Variants in PHF2 observed in about 807,000 individuals in gnomAD.
PHF2 encodes the protein PHD finger protein 2.
PHF2 carries 27 observed loss-of-function variants against 120.5 expected under a neutral mutation model. The observed-to-expected ratio is 0.22, with a 90% CI of 0.17 to 0.31. The LOEUF (loss-of-function observed/expected upper bound fraction) is 0.31. PHF2 is among the 10% of genes least tolerant of loss of function. PHF2 has a pLI of 1.00. For missense variants in PHF2, 1,024 were observed against 1,434.8 expected, an observed-to-expected ratio of 0.71 and a Z score of 4.63; for synonymous variants, 568 against 592.5, an observed-to-expected ratio of 0.96 and a Z score of 0.60.
At chr9:93,645,286 G>A (rs1043286429) in intron 3 of PHF2, among the ~76,000 whole-genome samples, 1 of 152,242 alleles carries the variant, frequency 6.6e-6, no homozygotes, top group Non-Finnish European at 1.5e-5. Context: ...GGTCAGCCCG[G>A]GTGCCGGTGG....
intron 2 of PHF2, among the ~76,000 whole-genome samples, chr9:93,632,372 ATGTG>A (rs1298257180): frequency 6.6e-6 from 1 of 152,168 alleles, no homozygotes; most frequent in Non-Finnish European, 1.5e-5. Context: ...GTGCATGTGT[ATGTG>A]TGTGTGCATG....
intron 2 of PHF2, among the ~76,000 whole-genome samples, chr9:93,635,274 T>C (rs1302051377): frequency 6.6e-6 from 1 of 152,056 alleles, no homozygotes; most frequent in African/African-American, 2.4e-5. Context: ...AGACAGGCAT[T>C]GTCACTGGGT....
rs768589231 is a variant in PHF2 at position 93,665,848 on chromosome 9, G to A, written c.2100G>A (p.Pro700=). 8.1e-6 allele frequency: 13 copies of A among 1,595,986 alleles called. No individual in the cohort carries two copies. Among genetic ancestry groups the A allele is most frequent in the African/African-American group, 6.7e-5 (5 of 74,484 alleles). ...EFPIRRKKNA[P]KRDLSFLLDK... ...CCATCAGGAGGAAGAAAAACGCCCC[G>A]AAAAGGGACTTGTCCTGTGAGTTGG... The change falls in exon 15 of 22, where the codon CCG becomes CCA. Residue 700 remains proline (P), a synonymous_variant. Transcript: ENST00000359246.
intron 2 of PHF2, among the ~76,000 whole-genome samples, chr9:93,631,131 C>T (rs1825995211): frequency 6.6e-6 from 1 of 152,250 alleles, no homozygotes; most frequent in South Asian, 2.1e-4. Context: ...GGAAGGGGCT[C>T]CAGCACCCCT....
intron 1 of PHF2, among the ~76,000 whole-genome samples, chr9:93,577,979 G>A (rs1455866302): frequency 6.6e-6 from 1 of 152,178 alleles, no homozygotes; most frequent in African/African-American, 2.4e-5. Flanking sequence ...GCAAGCAGCC[G>A]GGGGAAAGAG....
chr9:93,648,162 A>G (rs1261702492), intron 4 of PHF2, among the ~76,000 whole-genome samples: 1 of 152,128 alleles, frequency 6.6e-6, no homozygotes, highest in Non-Finnish European at 1.5e-5. Context: ...GCCCCATTTC[A>G]TTCTATCCTG....
chr9:93,667,520 T>C (rs185104287), intron 17 of PHF2, among the ~76,000 whole-genome samples: 1 of 152,204 alleles, frequency 6.6e-6, no homozygotes, highest in South Asian at 2.1e-4. Flanking sequence ...TTTTTTCACG[T>C]GGAAATCTTT....
At chr9:93,670,890 C>T in intron 17 of PHF2, 1 of 622,826 alleles carries the variant, frequency 1.6e-6, no homozygotes, top group African/African-American at 2.0e-5. Flanking sequence ...AAGCTGAGGG[C>T]AGCGGGGGTG....
At chr9:93,603,049 G>A (rs1176397610) in intron 1 of PHF2, among the ~76,000 whole-genome samples, 1 of 152,176 alleles carries the variant, frequency 6.6e-6, no homozygotes, top group Non-Finnish European at 1.5e-5. Context: ...AAGAAATGTA[G>A]TGGGTGACCA....
At chr9:93,619,123 G>A (rs1825781938) in intron 1 of PHF2, among the ~76,000 whole-genome samples, 1 of 152,018 alleles carries the variant, frequency 6.6e-6, no homozygotes, top group African/African-American at 2.4e-5. Context: ...TCAGGCGGAT[G>A]TTCTCCGCTT....
Position 93,656,634 on chromosome 9 carries a change from TC to T in PHF2, c.1147+40del. Reference sequence around the variant, plus strand: ...CGGGGTGGGCGTCCAAGCCTGGGGCTCTTGGCTGTGGGGGCAGCCAGACCTG... The same window carrying T: ...CGGGGTGGGCGTCCAAGCCTGGGGCTTTGGCTGTGGGGGCAGCCAGACCTG... On this transcript the variant is annotated intron_variant, in intron 9 of 21. Transcript: ENST00000359246. The surrounding 1 kb of genome is among the most constrained non-coding windows in gnomAD (Gnocchi z 4.1). The T allele has an allele frequency of 6.9e-7, 1 of 1,446,642 alleles. No homozygotes were observed. The allele number at this position is 1,446,642 out of a possible 1,614,324, so 89.6% of individuals were successfully genotyped here. A position where few individuals can be genotyped will look rare whatever the true frequency, so the allele number is the denominator to read the frequency against.
intron 1 of PHF2, among the ~76,000 whole-genome samples, chr9:93,586,291 A>G (rs761781843): frequency 4.1e-4 from 62 of 152,328 alleles, no homozygotes; most frequent in Non-Finnish European, 7.6e-4. Flanking sequence ...TGCTTGTGGA[A>G]TCTCTCCTTG....
intron 10 of PHF2, 136 bp downstream of exon 10, chr9:93,658,372 C>A: frequency 1.4e-6 from 1 of 733,714 alleles, no homozygotes; most frequent in South Asian, 1.7e-5. Context: ...GTGGTGCTCC[C>A]CTGCCTGGCT....
At chr9:93,644,714 G>C (rs1472462934) in intron 3 of PHF2, among the ~76,000 whole-genome samples, 1 of 152,206 alleles carries the variant, frequency 6.6e-6, no homozygotes, top group African/African-American at 2.4e-5. Flanking sequence ...CTGCCCAGGG[G>C]CCTCTCAAGG....
chr9:93,585,345 GCTAT>G (rs1460021650), intron 1 of PHF2, among the ~76,000 whole-genome samples: 5 of 152,224 alleles, frequency 3.3e-5, no homozygotes, highest in African/African-American at 1.2e-4. Flanking sequence ...CTCCCCAGGG[GCTAT>G]CTTTTTGGCT....
At chr9:93,580,114 G>T (rs1312570392) in intron 1 of PHF2, among the ~76,000 whole-genome samples, 1 of 152,190 alleles carries the variant, frequency 6.6e-6, no homozygotes, top group Non-Finnish European at 1.5e-5. Context: ...TGGGATGTGT[G>T]TCCCTTCACC....
In PHF2 at chr9:93,673,880, G is replaced by C. The variant is rs369709048; in HGVS notation, c.2626+18G>C. The stretch of plus-strand genomic sequence containing the variant: ...AGACTACGGTGAGTGTCACTCCTGC[G>C]TGGGGCAGGGCCCATGCTCAGCCCT... On this transcript the variant is annotated intron_variant, in intron 18 of 21. Transcript: ENST00000359246. 1 of 1,566,792 alleles carries C rather than the reference G, an allele frequency of 6.4e-7. No homozygotes were observed. The highest frequency in any genetic ancestry group is 8.7e-7 in the Non-Finnish European group (1 of 1,150,126).
chr9:93,607,289 T>G (rs1311539908), intron 1 of PHF2, among the ~76,000 whole-genome samples: 1 of 152,168 alleles, frequency 6.6e-6, no homozygotes, highest in East Asian at 1.9e-4. Context: ...TTGTTTGTTT[T>G]GAGACAGGGT....
Position 93,645,670 on chromosome 9 carries a change from C to T in PHF2, c.341C>T (p.Thr114Met), listed in dbSNP as rs764861998. The T allele has an allele frequency of 1.9e-6, 3 of 1,611,440 alleles. No homozygotes were observed. The highest frequency in any genetic ancestry group is 2.5e-6 in the Non-Finnish European group (3 of 1,178,480). The change falls in exon 4 of 22, where the codon ACG becomes ATG. Residue 114 changes from threonine to methionine, a missense_variant. By Grantham distance (81) the Thr-to-Met change is moderately conservative. Transcript: ENST00000359246. ...VVARVPGSQL[T>M]LGYMEEHGFT... ...GCCCGTGTGCCAGGAAGTCAGCTCACGCTGGGCTACATGGAGGAGCACGGC... is the reference window on the plus strand; with the variant it reads ...GCCCGTGTGCCAGGAAGTCAGCTCATGCTGGGCTACATGGAGGAGCACGGC...
Sources: allele counts gnomAD v4.1 joint callset (sites outside exome capture counted in the v4.1 genomes callset), GRCh38; gene constraint gnomAD v4.1.1; non-coding constraint Gnocchi (gnomAD v3.1); transcripts MANE v1.5; gene names NCBI Gene and HGNC (gene_info 2026-07-23, HGNC 2026-07-21).